TASP1: variants seen among roughly 807,000 people sequenced by gnomAD.
TASP1 encodes the protein taspase 1, also known as threonine aspartase 1.
A neutral mutation model predicts 56.6 loss-of-function variants in TASP1; 16 were observed. That is an observed-to-expected ratio of 0.28 (90% CI 0.19 to 0.43). The LOEUF (loss-of-function observed/expected upper bound fraction) is 0.43. Among genes scored for constraint, TASP1 ranks in the 20% least tolerant of loss-of-function variants. The probability of loss-of-function intolerance (pLI) is 1.00; values close to 1 mark genes in which losing one functional copy is unlikely to be tolerated. For missense variants in TASP1, 393 were observed against 511.6 expected, an observed-to-expected ratio of 0.77 and a Z score of 2.24; for synonymous variants, 179 against 184.2, an observed-to-expected ratio of 0.97 and a Z score of 0.23.
downstream of TASP1, among the ~76,000 whole-genome samples, chr20:13,388,669 G>A (rs1253064453): frequency 6.6e-6 from 1 of 152,068 alleles, no homozygotes; most frequent in African/African-American, 2.4e-5. Flanking sequence ...CAGGTAACAG[G>A]TCTTCAAAAG....
intron 12 of TASP1, among the ~76,000 whole-genome samples, chr20:13,433,534 A>AT (rs1568793755): frequency 1.4e-5 from 2 of 146,806 alleles, no homozygotes; most frequent in Admixed American, 6.7e-5. Context: ...AAAAAAAAAA[A>AT]AAAAAAATAC....
downstream of TASP1, among the ~76,000 whole-genome samples, chr20:13,387,184 ATTTTTTTTTTTTT>A (rs779048448): frequency 3.3e-4 from 23 of 70,708 alleles, no homozygotes; most frequent in African/African-American, 1.4e-3. Flanking sequence ...ACATGATTTC[ATTTTTTTTTTTTT>A]TTTTTTTTTT....
At chr20:13,514,973 A>G (rs1353667728) in intron 10 of TASP1, among the ~76,000 whole-genome samples, 1 of 152,154 alleles carries the variant, frequency 6.6e-6, no homozygotes, top group Non-Finnish European at 1.5e-5. Context: ...TCCATGATTC[A>G]TCAATAAATC....
chr20:13,502,447 A>G (rs1464701443), intron 10 of TASP1, among the ~76,000 whole-genome samples: 1 of 152,206 alleles, frequency 6.6e-6, no homozygotes, highest in Non-Finnish European at 1.5e-5. Flanking sequence ...TTAGTAAAAG[A>G]AGTAAAACAC....
At chr20:13,413,603 C>T (rs933624362) in intron 13 of TASP1, among the ~76,000 whole-genome samples, 2 of 152,144 alleles carry the variant, frequency 1.3e-5, no homozygotes, top group Non-Finnish European at 2.9e-5. Context: ...TGTAATCATT[C>T]ATCCAATGCA....
chr20:13,380,286 T>C, the TASP1 span, among the ~76,000 whole-genome samples: 1 of 152,234 alleles, frequency 6.6e-6, no homozygotes, highest in Non-Finnish European at 1.5e-5. Context: ...TTGGTGTTAA[T>C]GCTATTCCTT....
chr20:13,273,484 C>T, the TASP1 span, among the ~76,000 whole-genome samples: 5 of 152,080 alleles, frequency 3.3e-5, no homozygotes, highest in Non-Finnish European at 5.9e-5. Flanking sequence ...AATTTTCCTG[C>T]CTCAGCCTCT....
intron 12 of TASP1, among the ~76,000 whole-genome samples, chr20:13,428,253 G>A (rs992708895): frequency 1.3e-5 from 2 of 152,110 alleles, no homozygotes; most frequent in African/African-American, 4.8e-5. Context: ...GGTACAAGGT[G>A]CAAAACAGGA....
chr20:13,593,325 G>A (rs1389633787), intron 4 of TASP1, among the ~76,000 whole-genome samples: 1 of 152,092 alleles, frequency 6.6e-6, no homozygotes, highest in African/African-American at 2.4e-5. Flanking sequence ...ATTTCCAATT[G>A]AGGTACCTGG....
chr20:13,111,810 G>T, the TASP1 span, among the ~76,000 whole-genome samples: 1 of 152,196 alleles, frequency 6.6e-6, no homozygotes, highest in South Asian at 2.1e-4. Context: ...CTTGGCTCCA[G>T]TAAATGAAAG....
chr20:13,298,263 A>C, the TASP1 span, among the ~76,000 whole-genome samples: 1 of 151,762 alleles, frequency 6.6e-6, no homozygotes, highest in Non-Finnish European at 1.5e-5. Flanking sequence ...ATGCCACAAC[A>C]CCTGGCTAAT....
chr20:13,391,343 T>A (rs1045045323), intron 13 of TASP1, among the ~76,000 whole-genome samples: 2 of 152,178 alleles, frequency 1.3e-5, no homozygotes, highest in Non-Finnish European at 2.9e-5. Flanking sequence ...CTCTGTTTCA[T>A]GAGGGGTCAG....
At chr20:13,563,942 T>C (rs1410318073) in intron 7 of TASP1, among the ~76,000 whole-genome samples, 1 of 152,174 alleles carries the variant, frequency 6.6e-6, no homozygotes, top group East Asian at 1.9e-4. Context: ...TAACATCATA[T>C]CTATGGTGAA....
chr20:13,218,420 G>C, the TASP1 span, among the ~76,000 whole-genome samples: 10 of 152,082 alleles, frequency 6.6e-5, no homozygotes, highest in Non-Finnish European at 1.2e-4. Flanking sequence ...AACCCAGAAA[G>C]AAAACTAGAT....
chr20:13,372,225 G>A, the TASP1 span, among the ~76,000 whole-genome samples: 10 of 152,182 alleles, frequency 6.6e-5, no homozygotes, highest in Non-Finnish European at 1.5e-4. Context: ...GAGTAAAGCA[G>A]ATTGCCCTAT....
At chr20:13,253,871 ATATATATG>A in the TASP1 span, among the ~76,000 whole-genome samples, 1 of 144,486 alleles carries the variant, frequency 6.9e-6, no homozygotes, top group East Asian at 2.1e-4. Context: ...CCATATATAT[ATATATATG>A]TGTGTGTGTA....
At chr20:13,118,449 G>GAAAA in the TASP1 span, among the ~76,000 whole-genome samples, 7 of 128,146 alleles carry the variant, frequency 5.5e-5, no homozygotes, top group African/African-American at 1.2e-4. Context: ...GAGGTTTGTG[G>GAAAA]AAAAAAAAAA....
the TASP1 span, among the ~76,000 whole-genome samples, chr20:13,362,290 G>GCA: frequency 6.6e-6 from 1 of 151,874 alleles, no homozygotes; most frequent in Non-Finnish European, 1.5e-5. Context: ...TGACTTGCAC[G>GCA]TATATGCCCA....
At chr20:13,340,691 T>TA in the TASP1 span, among the ~76,000 whole-genome samples, 1 of 152,194 alleles carries the variant, frequency 6.6e-6, no homozygotes, top group Non-Finnish European at 1.5e-5. Flanking sequence ...TCCACTCTCT[T>TA]AGTGATTTTG....
Sources: gnomAD v4.1 joint callset for allele counts (sites outside exome capture counted in the v4.1 genomes callset) on GRCh38, gnomAD v4.1.1 for gene constraint, MANE v1.5 for transcripts, NCBI Gene and HGNC (gene_info 2026-07-23, HGNC 2026-07-21) for gene names.